Variants in GABPB1 observed in about 807,000 individuals in gnomAD.
The protein encoded by GABPB1 is GA-binding protein subunit beta-1.
GABPB1 carries 15 observed loss-of-function variants against 45.9 expected under a neutral mutation model. The observed-to-expected ratio is 0.33, with a 90% confidence interval of 0.22 to 0.50. The LOEUF is 0.50. GABPB1 is among the 20% of genes least tolerant of loss of function. The probability of loss-of-function intolerance (pLI) is 0.98; values close to 1 mark genes in which losing one functional copy is unlikely to be tolerated. For synonymous variants in GABPB1, 143 were observed against 154.4 expected (o/e 0.93, Z 0.55); for missense variants, 252 against 457.5 (o/e 0.55, Z 4.10).
chr15:50,318,754 G>A (rs966861476), intron 1 of GABPB1, among the ~76,000 whole-genome samples: 4 of 152,158 alleles, frequency 2.6e-5, no homozygotes, highest in African/African-American at 9.7e-5. Context: ...TGTCAGTGGA[G>A]AGTTTGGGAT....
At chr15:50,288,231 T>A (rs1356335693) in intron 7 of GABPB1, among the ~76,000 whole-genome samples, 2 of 152,130 alleles carry the variant, frequency 1.3e-5, no homozygotes, top group African/African-American at 2.4e-5. Context: ...TCGTCATTTT[T>A]ATTTTTGTAG....
intron 1 of GABPB1, among the ~76,000 whole-genome samples, chr15:50,342,050 C>A (rs2048392765): frequency 6.6e-6 from 1 of 152,188 alleles, no homozygotes; most frequent in Non-Finnish European, 1.5e-5. Flanking sequence ...TATTCTGTCT[C>A]ATGATTCTAC....
chr15:50,285,735 G>A, intron 8 of GABPB1: 3 of 879,584 alleles, frequency 3.4e-6, no homozygotes, highest in Non-Finnish European at 2.8e-6. Context: ...AAAAATTTTA[G>A]CCAATATATA....
chr15:50,308,253 C>A (rs540035535), intron 2 of GABPB1, among the ~76,000 whole-genome samples: 3 of 152,334 alleles, frequency 2.0e-5, no homozygotes, highest in Admixed American at 2.0e-4. Context: ...TCATTTGCTT[C>A]TGTCAAGAGC....
rs78685469 is a variant in GABPB1 at position 50,342,202 on chromosome 15, T to G, written c.-1+12783A>C. On this transcript the variant is annotated intron_variant, in intron 1 of 8. Transcript: ENST00000380877. ...TCAGCAAAATGAATTAATCACTTCT[T>G]TATTCTCTCATTGTGGCCTTAACAC... Among the ~76,000 whole-genome samples the G allele has an allele frequency of 5.4e-3, 825 of 152,306 alleles. 6 individuals carry two copies. The highest frequency in any genetic ancestry group is 0.019 in the African/African-American group (790 of 41,552).
At chr15:50,311,944 T>C (rs1373499334) in intron 1 of GABPB1, among the ~76,000 whole-genome samples, 1 of 152,210 alleles carries the variant, frequency 6.6e-6, no homozygotes, top group African/African-American at 2.4e-5. Context: ...ATACTAATAC[T>C]TGGAGGCTTG....
intron 2 of GABPB1, among the ~76,000 whole-genome samples, chr15:50,306,517 C>G (rs1473727451): frequency 1.3e-5 from 2 of 151,700 alleles, no homozygotes; most frequent in Non-Finnish European, 2.9e-5. Context: ...ATCCCAGCTA[C>G]TTCGGTGCCT....
chr15:50,288,972 A>C (rs2046256596), intron 7 of GABPB1, among the ~76,000 whole-genome samples: 1 of 152,046 alleles, frequency 6.6e-6, no homozygotes, highest in Non-Finnish European at 1.5e-5. Flanking sequence ...ACTATCAGCA[A>C]ATGTCACCAT....
chr15:50,303,817 G>C, intron 3 of GABPB1, 149 bp downstream of exon 3: 1 of 490,954 alleles, frequency 2.0e-6, no homozygotes, highest in Non-Finnish European at 3.4e-6. Flanking sequence ...AAAGCTATAA[G>C]ACAATTTTCA....
intron 1 of GABPB1, chr15:50,351,027 T>C (rs1263663314): frequency 6.6e-6 from 1 of 152,220 alleles, no homozygotes; most frequent in Non-Finnish European, 1.5e-5. Flanking sequence ...ATAAGTGATT[T>C]TGACACTTAG....
At chr15:50,285,176 A>G (rs1214577578) in intron 8 of GABPB1, among the ~76,000 whole-genome samples, 1 of 152,220 alleles carries the variant, frequency 6.6e-6, no homozygotes, top group East Asian at 1.9e-4. Flanking sequence ...TACTACAAAC[A>G]CGTATCAGAT....
Position 50,291,380 on chromosome 15 carries a change from G to A in GABPB1, c.698-1712C>T, listed in dbSNP as rs1390970458. Among the ~76,000 whole-genome samples, 7 of 151,494 alleles carry A rather than the reference G, an allele frequency of 4.6e-5. No individual in the cohort carries two copies. The South Asian group carries it at 8.3e-4, about 18-fold the overall frequency. ...GTCACCCAGGTTGGAGAGCAGTGGC[G>A]TGATCTCAGCTCACTGCAACATCCG... On this transcript the variant is annotated intron_variant, in intron 6 of 8. Transcript: ENST00000380877.
At position 50,304,727 on chromosome 15, in the gene GABPB1, A is replaced by T. The variant is rs1008997087; in HGVS notation, c.109-594T>A. ...TTTTGGTCTAAAGAAAAAAAAAAAA[A>T]AAAGAAATCAGAGATAGAGTTTGAG... On this transcript the variant is annotated intron_variant, in intron 2 of 8. Transcript: ENST00000380877. 2.0e-5 allele frequency among the ~76,000 whole-genome samples: 3 copies of T among 152,132 alleles called. No homozygotes were observed. In the East Asian group the frequency reaches 5.8e-4, roughly 29 times the overall value.
intron 1 of GABPB1, among the ~76,000 whole-genome samples, chr15:50,322,637 C>T (rs1465362876): frequency 6.6e-6 from 1 of 152,052 alleles, no homozygotes; most frequent in East Asian, 1.9e-4. Flanking sequence ...TTGAGATGTG[C>T]TATAAATATA....
intron 1 of GABPB1, chr15:50,346,325 G>T (rs890209252): frequency 2.6e-5 from 4 of 152,162 alleles, no homozygotes; most frequent in Non-Finnish European, 4.4e-5. Context: ...ATTTGGAATT[G>T]TTCAGCGTAA....
chr15:50,302,935 T>G lies in GABPB1; in HGVS notation c.465A>C (p.Ile155=), dbSNP rs1026662123. The change falls in exon 4 of 9, where the codon ATA becomes ATC. Residue 155 remains isoleucine (I), a synonymous_variant. Coordinates refer to ENST00000380877, the MANE Select transcript of GABPB1 (RefSeq NM_016654.5). ...IDNGNEDLAE[I]LQIAMQNQIN... is the part of the protein sequence containing the mutation. Reference sequence around the variant, plus strand: ...ATTAAAAGCCAAAAGTTACCTGTAATATCTCTGCTAAATCTTCATTTCCAT... The same window carrying G: ...ATTAAAAGCCAAAAGTTACCTGTAAGATCTCTGCTAAATCTTCATTTCCAT... The G allele has an allele frequency of 6.2e-7, 1 of 1,608,638 alleles. No individual in the cohort carries two copies. The highest frequency in any genetic ancestry group is 8.5e-7 in the Non-Finnish European group (1 of 1,176,690).
chr15:50,333,898 T>G (rs2048028052), intron 1 of GABPB1, among the ~76,000 whole-genome samples: 1 of 151,662 alleles, frequency 6.6e-6, no homozygotes, highest in African/African-American at 2.4e-5. Context: ...CATTTGGTGG[T>G]GGGCACCTGT....
At chr15:50,333,581 A>C (rs2048016365) in intron 1 of GABPB1, among the ~76,000 whole-genome samples, 1 of 152,172 alleles carries the variant, frequency 6.6e-6, no homozygotes, top group East Asian at 1.9e-4. Context: ...CATAGGTGAG[A>C]TGTTCGTGAC....
chr15:50,346,587 GTT>G (rs67151288), intron 1 of GABPB1, among the ~76,000 whole-genome samples: 420 of 119,856 alleles, frequency 3.5e-3, no homozygotes, highest in Non-Finnish European at 5.1e-3. Flanking sequence ...ACAACAGAAA[GTT>G]TTTTTTTTTT....
Sources: allele counts gnomAD v4.1 joint callset (sites outside exome capture counted in the v4.1 genomes callset), GRCh38; gene constraint gnomAD v4.1.1; transcripts MANE v1.5; gene names NCBI Gene and HGNC (gene_info 2026-07-23, HGNC 2026-07-21).